The following DLG5 variants were observed in gnomAD, a reference collection of about 807,000 sequenced individuals.
DLG5 encodes the protein disks large homolog 5.
A neutral mutation model predicts 189.8 loss-of-function variants in DLG5; 48 were observed. The observed-to-expected ratio is 0.25, with a 90% CI of 0.20 to 0.32. The LOEUF is 0.32. Among genes scored for constraint, DLG5 ranks in the 10% least tolerant of loss-of-function variants. The pLI, the probability that DLG5 is intolerant of heterozygous loss-of-function variation, is 1.00. For missense variants in DLG5, 2,160 were observed against 2,544.7 expected, an observed-to-expected ratio of 0.85 and a Z score of 3.25; for synonymous variants, 1,016 against 1,054.1, an observed-to-expected ratio of 0.96 and a Z score of 0.70.
intron 1 of DLG5, among the ~76,000 whole-genome samples, chr10:77,890,726 A>G (rs766570713): frequency 1.3e-5 from 2 of 152,194 alleles, no homozygotes; most frequent in African/African-American, 4.8e-5. Flanking sequence ...GGATGTCTCA[A>G]GGTAGCGCTG....
intron 7 of DLG5, among the ~76,000 whole-genome samples, chr10:77,839,746 T>C (rs1843328936): frequency 6.6e-6 from 1 of 152,244 alleles, no homozygotes; most frequent in South Asian, 2.1e-4. Context: ...GATTACCAAA[T>C]TCTAATGCAT....
chr10:77,799,054 T>C (rs1841072349), intron 27 of DLG5, among the ~76,000 whole-genome samples: 1 of 152,208 alleles, frequency 6.6e-6, no homozygotes, highest in African/African-American at 2.4e-5. Context: ...GGGGTACCAA[T>C]TTAGGAGATT....
chr10:77,807,582 A>AG (rs1254698738), intron 25 of DLG5, among the ~76,000 whole-genome samples: 1 of 152,174 alleles, frequency 6.6e-6, no homozygotes, highest in African/African-American at 2.4e-5. Flanking sequence ...AGCCCTAAAG[A>AG]GGGGGCCCAG....
Position 77,809,320 on chromosome 10 carries a change from C to T in DLG5, c.4647+227G>A, listed in dbSNP as rs183649606. On this transcript the variant is annotated intron_variant, in intron 24 of 31. Coordinates refer to ENST00000372391, the MANE Select transcript of DLG5 (RefSeq NM_004747.4). Reference sequence around the variant, plus strand: ...ACTCGGAAGGCTGAGGCAGGAGAATCGCTTGAACCTGGGAAGTGAAGGTTG... The same window carrying T: ...ACTCGGAAGGCTGAGGCAGGAGAATTGCTTGAACCTGGGAAGTGAAGGTTG... Among the ~76,000 whole-genome samples, 349 of 152,242 alleles carry T rather than the reference C, an allele frequency of 2.3e-3. 1 individual carries two copies. The highest frequency in any genetic ancestry group is 4.4e-3 in the Non-Finnish European group (297 of 68,020).
intron 2 of DLG5, among the ~76,000 whole-genome samples, chr10:77,859,324 G>C (rs941049740): frequency 6.6e-6 from 1 of 152,206 alleles, no homozygotes; most frequent in Non-Finnish European, 1.5e-5. Context: ...TATAGCCTAA[G>C]TGTACAGTGT....
intron 26 of DLG5, 35 bp downstream of exon 26, chr10:77,806,721 CCT>C: frequency 7.5e-7 from 1 of 1,326,426 alleles, no homozygotes; most frequent in Non-Finnish European, 1.1e-6. Context: ...CTCGGCGACC[CCT>C]GCCCCACCCC....
intron 9 of DLG5, among the ~76,000 whole-genome samples, chr10:77,831,744 G>A (rs1842904968): frequency 6.6e-6 from 1 of 152,180 alleles, no homozygotes; most frequent in Admixed American, 6.5e-5. Context: ...CCAAAGAAAT[G>A]TATCTCAACC....
chr10:77,938,900 C>T, the DLG5 span, among the ~76,000 whole-genome samples: 1 of 152,168 alleles, frequency 6.6e-6, no homozygotes, highest in Non-Finnish European at 1.5e-5. Flanking sequence ...CAAAACTGCC[C>T]CTATCAGGCC....
At chr10:77,869,438 T>A (rs1271085758) in intron 1 of DLG5, 7 of 493,548 alleles carry the variant, frequency 1.4e-5, no homozygotes, top group Non-Finnish European at 2.1e-5. Context: ...AGAGGGGAAC[T>A]TGGAGTCAGT....
intron 5 of DLG5, among the ~76,000 whole-genome samples, chr10:77,851,964 G>A (rs1843996546): frequency 2.0e-5 from 3 of 152,206 alleles, no homozygotes; most frequent in African/African-American, 7.2e-5. Context: ...CAGAGAGAAG[G>A]CATGGGGTGG....
intron 2 of DLG5, chr10:77,868,511 A>G: frequency 3.6e-6 from 1 of 276,510 alleles, no homozygotes; most frequent in Non-Finnish European, 7.1e-6. Flanking sequence ...GGAGTAGATG[A>G]CCTCTGTGAG....
At chr10:77,843,351 A>C in intron 6 of DLG5, 96 bp downstream of exon 6, 1 of 1,458,934 alleles carries the variant, frequency 6.9e-7, no homozygotes, top group East Asian at 2.3e-5. Context: ...TTTTGATTGA[A>C]AAAGCACAAT....
At chr10:77,856,279 G>T (rs1443496726) in intron 3 of DLG5, among the ~76,000 whole-genome samples, 2 of 152,190 alleles carry the variant, frequency 1.3e-5, no homozygotes, top group African/African-American at 2.4e-5. Flanking sequence ...TTGAGCCGGG[G>T]AGGTCAAAAC....
chr10:77,921,094 T>C lies in DLG5; in HGVS notation c.304+5123A>G, dbSNP rs368626343. On this transcript the variant is annotated intron_variant, in intron 1 of 31. Transcript: ENST00000372391. The stretch of plus-strand genomic sequence containing the variant: ...TGCAGGGTGGCATGCGCCTGTAATC[T>C]TAGCTACTAAGGAGGCTGAGGCAGG... Among the ~76,000 whole-genome samples, 20 of 152,292 alleles carry C rather than the reference T, an allele frequency of 1.3e-4. 4 individuals carry two copies. The highest frequency in any genetic ancestry group is 3.9e-4 in the Admixed American group (6 of 15,298).
intron 7 of DLG5, among the ~76,000 whole-genome samples, chr10:77,837,750 AC>A (rs970061375): frequency 6.6e-6 from 1 of 152,146 alleles, no homozygotes; most frequent in Non-Finnish European, 1.5e-5. Flanking sequence ...TGGCTCCTCT[AC>A]CCCAGGCTGC....
chr10:77,900,043 A>G (rs1398808159), intron 1 of DLG5, among the ~76,000 whole-genome samples: 1 of 152,208 alleles, frequency 6.6e-6, no homozygotes, highest in East Asian at 1.9e-4. Context: ...ACATTTGACT[A>G]TGTGTCAAGT....
chr10:77,800,524 C>T (rs1014764984), intron 27 of DLG5, among the ~76,000 whole-genome samples: 13 of 149,706 alleles, frequency 8.7e-5, no homozygotes, highest in Admixed American at 4.0e-4. Context: ...AACCCAGGCA[C>T]GGGGCCGCCG....
intron 20 of DLG5, among the ~76,000 whole-genome samples, chr10:77,812,935 G>A (rs932960996): frequency 6.6e-6 from 1 of 152,376 alleles, no homozygotes; most frequent in South Asian, 2.1e-4. Flanking sequence ...GGGCTGTACA[G>A]TGCACCCAAG....
At position 77,821,625 on chromosome 10, in the gene DLG5, G is replaced by C; in HGVS notation, c.2859C>G (p.Ser953Arg). 6.2e-7 allele frequency: 1 copy of C among 1,613,104 alleles called. No homozygotes were observed. The change falls in exon 15 of 32, where the codon AGC becomes AGG. Residue 953 changes from serine (S) to arginine (R), a missense_variant. Coordinates refer to ENST00000372391, the MANE Select transcript of DLG5 (RefSeq NM_004747.4). ...SGGTWPKAMLSSTAVPEKLSV... is the reference protein window; with the variant it reads ...SGGTWPKAMLRSTAVPEKLSV... ...AGAGCTTCTCAGGCACTGCCGTGGA[G>C]CTGAGCATGGCCTTGGGCCAGGTCC... is the stretch of plus-strand genomic sequence containing the variant.
Sources: gnomAD v4.1 joint callset for allele counts (sites outside exome capture counted in the v4.1 genomes callset) on GRCh38, gnomAD v4.1.1 for gene constraint, MANE v1.5 for transcripts, NCBI Gene and HGNC (gene_info 2026-07-23, HGNC 2026-07-21) for gene names.